Variants in HIVEP3 observed in about 807,000 individuals in gnomAD.
HIVEP3 encodes the protein HIVEP zinc finger 3, also known as transcription factor HIVEP3.
In HIVEP3, 49 loss-of-function variants were observed where a neutral mutation model predicts 152.8. The ratio of observed to expected loss-of-function variants is 0.32; its 90% confidence interval spans 0.26 to 0.41. HIVEP3 has a LOEUF of 0.41. Ranked by LOEUF, HIVEP3 falls within the 10% of genes least tolerant of loss-of-function variation. The probability of loss-of-function intolerance (pLI) is 1.00; values close to 1 mark genes in which losing one functional copy is unlikely to be tolerated. For missense variants in HIVEP3, 2,790 were observed against 3,103.3 expected (o/e 0.90, Z 2.40); for synonymous variants, 1,269 against 1,289.0 (o/e 0.98, Z 0.33).
chr1:41,702,969 A>G (rs1646384931), intron 1 of HIVEP3, among the ~76,000 whole-genome samples: 1 of 152,038 alleles, frequency 6.6e-6, no homozygotes, highest in South Asian at 2.1e-4. Context: ...CTGACACCCA[A>G]TTTTCACTTT....
At chr1:41,895,848 C>T (rs1342962086) in intron 1 of HIVEP3, among the ~76,000 whole-genome samples, 1 of 152,046 alleles carries the variant, frequency 6.6e-6, no homozygotes, top group Non-Finnish European at 1.5e-5. Context: ...ACTGGGAGTG[C>T]TAAGGGCAAA....
At chr1:42,004,261 AT>A (rs1421049591) in intron 1 of HIVEP3, among the ~76,000 whole-genome samples, 14 of 152,350 alleles carry the variant, frequency 9.2e-5, no homozygotes, top group African/African-American at 2.6e-4. Flanking sequence ...CACTGTAGGC[AT>A]TCTAAGCCTT....
Position 42,023,834 on chromosome 1 carries a change from T to C in HIVEP3, n.119+11973A>G, listed in dbSNP as rs574705755. On this transcript the variant is annotated intron_variant and non_coding_transcript_variant, in intron 1 of 3. Coordinates refer to the HIVEP3 transcript ENST00000489103. Reference sequence around the variant, plus strand: ...AAATTACCCAGTCTAAGGACATCCATTGCAATTGATTTTTATGCATTGTGT... The same window carrying C: ...AAATTACCCAGTCTAAGGACATCCACTGCAATTGATTTTTATGCATTGTGT... 2.0e-5 allele frequency among the ~76,000 whole-genome samples: 3 copies of C among 152,358 alleles called. No homozygotes were observed. In the East Asian group the frequency reaches 5.8e-4, roughly 29 times the overall value.
intron 2 of HIVEP3, among the ~76,000 whole-genome samples, chr1:41,677,376 GGT>G (rs1297683217): frequency 6.6e-6 from 1 of 152,190 alleles, no homozygotes; most frequent in Non-Finnish European, 1.5e-5. Context: ...GCTAGAAAAG[GGT>G]GTTAAAGACC....
chr1:41,971,010 A>G (rs16828935), intron 1 of HIVEP3, among the ~76,000 whole-genome samples: 9,066 of 152,144 alleles, frequency 0.06, 940 homozygotes, highest in African/African-American at 0.21. Flanking sequence ...TTTGATGTAG[A>G]AAAAAAATAT....
intron 1 of HIVEP3, among the ~76,000 whole-genome samples, chr1:41,954,135 T>C (rs1219934973): frequency 6.6e-6 from 1 of 152,172 alleles, no homozygotes; most frequent in African/African-American, 2.4e-5. Flanking sequence ...GCACCAGGCA[T>C]CCTATGCAGG....
intron 1 of HIVEP3, among the ~76,000 whole-genome samples, chr1:41,762,279 A>G (rs979816316): frequency 6.6e-6 from 1 of 152,132 alleles, no homozygotes; most frequent in East Asian, 1.9e-4. Context: ...TGCCCTTCTC[A>G]CCCTTCAACT....
intron 1 of HIVEP3, among the ~76,000 whole-genome samples, chr1:42,020,312 G>C (rs1421673919): frequency 2.6e-5 from 4 of 151,976 alleles, no homozygotes; most frequent in Admixed American, 2.6e-4. Context: ...TACCGGAAAA[G>C]CCATCTGCCC....
chr1:41,791,644 G>A (rs1309632837), intron 1 of HIVEP3, among the ~76,000 whole-genome samples: 1 of 152,138 alleles, frequency 6.6e-6, no homozygotes, highest in Non-Finnish European at 1.5e-5. Context: ...ATATACCAAG[G>A]CTAGACTGGC....
At chr1:41,517,720 G>A (rs1642648461) in intron 7 of HIVEP3, among the ~76,000 whole-genome samples, 1 of 152,198 alleles carries the variant, frequency 6.6e-6, no homozygotes. Context: ...TGCTGAGGCT[G>A]GGCAGTGCTC....
intron 3 of HIVEP3, among the ~76,000 whole-genome samples, chr1:41,587,093 G>T (rs1445783443): frequency 6.6e-6 from 1 of 152,104 alleles, no homozygotes; most frequent in Non-Finnish European, 1.5e-5. Context: ...CTTATAGCCA[G>T]ACAGGATGGA....
chr1:41,910,980 A>G lies in HIVEP3; in HGVS notation c.-801+7433T>C, dbSNP rs1049254468. Among the ~76,000 whole-genome samples, 5 of 152,236 alleles carry G rather than the reference A, an allele frequency of 3.3e-5. No homozygotes were observed. In the East Asian group the frequency reaches 9.6e-4, roughly 29 times the overall value. On this transcript the variant is annotated intron_variant, in intron 1 of 8. Transcript: ENST00000372583. The stretch of plus-strand genomic sequence containing the variant: ...AAGGATGTCCTTTAAAAGACACAAA[A>G]TGTTCAATGATAAAGGAAAGATTGA...
intron 1 of HIVEP3, among the ~76,000 whole-genome samples, chr1:41,973,275 C>T (rs143690229): frequency 4.1e-4 from 63 of 152,334 alleles, no homozygotes; most frequent in African/African-American, 1.4e-3. Flanking sequence ...CTTAGCTGGG[C>T]GTTCATTACC....
chr1:41,929,657 T>TA (rs775131973), intron 1 of HIVEP3, among the ~76,000 whole-genome samples: 26 of 151,092 alleles, frequency 1.7e-4, no homozygotes, highest in Non-Finnish European at 3.4e-4. Flanking sequence ...TATGTATATT[T>TA]ATCCATGAAT....
intron 2 of HIVEP3, among the ~76,000 whole-genome samples, chr1:41,631,250 T>C (rs1163818910): frequency 2.0e-5 from 3 of 152,158 alleles, no homozygotes; most frequent in Non-Finnish European, 4.4e-5. Context: ...GGTTCAAATC[T>C]AGCCCTTCCA....
At position 41,584,841 on chromosome 1, in the gene HIVEP3, C is replaced by T. The variant is rs200858532; in HGVS notation, c.-44G>A. ...AGATGCTATTCAGGGAGAGTCAGGG[C>T]GGGCTGCATTTATGAATAATCCCAG... On this transcript the variant is annotated 5_prime_UTR_variant, in exon 4 of 9. Transcript: ENST00000372583. This position sits in a 1 kb window ranked among gnomAD's most constrained non-coding sequence, Gnocchi z 5.2. 264 of 1,434,020 alleles carry T rather than the reference C, an allele frequency of 1.8e-4. 3 individuals carry two copies. The South Asian group carries it at 3.1e-3, about 17-fold the overall frequency. The allele number at this position is 1,434,020 out of a possible 1,614,324, so 88.8% of individuals were successfully genotyped here.
intron 3 of HIVEP3, among the ~76,000 whole-genome samples, chr1:41,595,208 G>A (rs188383730): frequency 1.3e-5 from 2 of 152,248 alleles, no homozygotes; most frequent in African/African-American, 4.8e-5. Context: ...TTGCTTCCAG[G>A]TTTCTAGCCT....
intron 5 of HIVEP3, chr1:41,543,488 CTT>C (rs1262390698): frequency 2.6e-5 from 4 of 152,208 alleles, no homozygotes; most frequent in Admixed American, 6.5e-5. Context: ...GCAGAGAACA[CTT>C]TGTCTCTTCC....
intron 1 of HIVEP3, among the ~76,000 whole-genome samples, chr1:41,716,090 G>GC (rs1373145049): frequency 6.6e-6 from 1 of 152,214 alleles, no homozygotes; most frequent in Non-Finnish European, 1.5e-5. Flanking sequence ...AGCAGCAAAG[G>GC]CCGGGCAGGG....
Sources: gnomAD v4.1 joint callset for allele counts (sites outside exome capture counted in the v4.1 genomes callset) on GRCh38, gnomAD v4.1.1 for gene constraint, Gnocchi (gnomAD v3.1) non-coding constraint, MANE v1.5 for transcripts, NCBI Gene and HGNC (gene_info 2026-07-23, HGNC 2026-07-21) for gene names.